Variants in GRXCR1 observed in about 807,000 individuals in gnomAD.
GRXCR1 encodes the protein glutaredoxin domain-containing cysteine-rich protein 1.
In GRXCR1, 27 loss-of-function variants were observed where a neutral mutation model predicts 27.3. That is an observed-to-expected ratio of 0.99 (90% CI 0.73 to 1.37). The LOEUF (loss-of-function observed/expected upper bound fraction) is 1.37, where lower values mean the gene tolerates loss of function less well. GRXCR1 is among the 40% of genes most tolerant of loss of function. GRXCR1 has a pLI of 0.00. For synonymous variants in GRXCR1, 122 were observed against 131.1 expected, an observed-to-expected ratio of 0.93 and a Z score of 0.47; for missense variants, 379 against 354.4, an observed-to-expected ratio of 1.07 and a Z score of -0.56.
intron 1 of GRXCR1, among the ~76,000 whole-genome samples, chr4:42,896,139 C>A (rs1746342222): frequency 6.6e-6 from 1 of 152,084 alleles, no homozygotes; most frequent in Non-Finnish European, 1.5e-5. Context: ...ATTTCAAAGA[C>A]CCTGTCAATC....
intron 2 of GRXCR1, among the ~76,000 whole-genome samples, chr4:42,998,395 C>T (rs1423416968): frequency 6.6e-6 from 1 of 152,096 alleles, no homozygotes; most frequent in African/African-American, 2.4e-5. Flanking sequence ...TACAAATGTT[C>T]CATGCACATG....
chr4:42,936,815 TG>T (rs1284656417), intron 1 of GRXCR1, among the ~76,000 whole-genome samples: 1 of 151,902 alleles, frequency 6.6e-6, no homozygotes, highest in Non-Finnish European at 1.5e-5. Flanking sequence ...TTATGTGTCT[TG>T]GAAAGGAAGA....
At chr4:42,945,446 C>A (rs1256696728) in intron 1 of GRXCR1, among the ~76,000 whole-genome samples, 1 of 152,066 alleles carries the variant, frequency 6.6e-6, no homozygotes, top group African/African-American at 2.4e-5. Context: ...TTCCTTTCTG[C>A]TTCTTCTTTC....
chr4:43,021,596 T>C (rs577005606), intron 3 of GRXCR1, among the ~76,000 whole-genome samples: 3 of 152,290 alleles, frequency 2.0e-5, no homozygotes, highest in Non-Finnish European at 4.4e-5. Context: ...CAATGTCCTC[T>C]CAATGTACTG....
intron 3 of GRXCR1, among the ~76,000 whole-genome samples, chr4:43,028,762 CTTTT>C (rs1203967384): frequency 6.6e-6 from 1 of 152,072 alleles, no homozygotes; most frequent in African/African-American, 2.4e-5. Flanking sequence ...GCAGTGCATC[CTTTT>C]TTTAAGTCAA....
At chr4:42,951,921 C>T (rs986368806) in intron 1 of GRXCR1, among the ~76,000 whole-genome samples, 15 of 152,092 alleles carry the variant, frequency 9.9e-5, no homozygotes, top group East Asian at 3.9e-4. Flanking sequence ...TTGCAGTTAA[C>T]GTCTAGGCTC....
chr4:42,949,984 C>T (rs2109768404), intron 1 of GRXCR1, among the ~76,000 whole-genome samples: 1 of 152,266 alleles, frequency 6.6e-6, no homozygotes, highest in Non-Finnish European at 1.5e-5. Flanking sequence ...GGTATTTCAA[C>T]CCGTAAAGTA....
intron 3 of GRXCR1, among the ~76,000 whole-genome samples, chr4:43,023,182 G>A (rs1713146887): frequency 6.6e-6 from 1 of 152,134 alleles, no homozygotes; most frequent in Non-Finnish European, 1.5e-5. Flanking sequence ...AAAGATGTTA[G>A]GTCCAGGGAA....
intron 1 of GRXCR1, among the ~76,000 whole-genome samples, chr4:42,939,157 G>C (rs1488203896): frequency 6.6e-6 from 1 of 151,860 alleles, no homozygotes; most frequent in East Asian, 1.9e-4. Context: ...TTTTATTTTT[G>C]TGTGTGTCCT....
chr4:42,976,500 G>A (rs970932296), intron 2 of GRXCR1, among the ~76,000 whole-genome samples: 1 of 151,874 alleles, frequency 6.6e-6, no homozygotes, highest in Non-Finnish European at 1.5e-5. Flanking sequence ...TATATCACAA[G>A]AGTATAGGTC....
chr4:42,931,724 G>A (rs369811862), intron 1 of GRXCR1, among the ~76,000 whole-genome samples: 1 of 152,046 alleles, frequency 6.6e-6, no homozygotes, highest in East Asian at 1.9e-4. Flanking sequence ...TCATTTTTGT[G>A]TGTATGGTGA....
intron 2 of GRXCR1, among the ~76,000 whole-genome samples, chr4:43,003,550 C>G (rs1434362551): frequency 6.6e-6 from 1 of 152,128 alleles, no homozygotes; most frequent in African/African-American, 2.4e-5. Flanking sequence ...CAATGAATTT[C>G]AGGTTGAGTG....
chr4:42,985,289 T>C (rs545545667), intron 2 of GRXCR1, among the ~76,000 whole-genome samples: 31 of 152,324 alleles, frequency 2.0e-4, no homozygotes, highest in African/African-American at 7.5e-4. Flanking sequence ...CTTAATTTGA[T>C]TGAAGAAAAA....
rs115610156 is a variant in GRXCR1 at position 43,003,772 on chromosome 4, A to G, written c.628-16582A>G. Among the ~76,000 whole-genome samples the G allele has an allele frequency of 5.1e-3, 780 of 152,356 alleles. 10 individuals carry two copies. The highest frequency in any genetic ancestry group is 0.018 in the African/African-American group (739 of 41,578). On this transcript the variant is annotated intron_variant, in intron 2 of 3. Transcript: ENST00000399770. ...TGGCTGCTCTTAACAGCATACAATC[A>G]CATGCATTCACAAATAGAGGGTCTG...
At chr4:42,958,491 C>T (rs1411813918) in intron 1 of GRXCR1, among the ~76,000 whole-genome samples, 1 of 151,916 alleles carries the variant, frequency 6.6e-6, no homozygotes, top group Non-Finnish European at 1.5e-5. Context: ...GATATCACCC[C>T]TGGCAAGAAT....
At chr4:42,894,339 A>G (rs1436510185) in intron 1 of GRXCR1, among the ~76,000 whole-genome samples, 3 of 152,012 alleles carry the variant, frequency 2.0e-5, no homozygotes, top group African/African-American at 7.3e-5. Flanking sequence ...TTATTCAGGT[A>G]TTGGGGCTTT....
At chr4:42,983,468 A>T (rs1180892605) in intron 2 of GRXCR1, among the ~76,000 whole-genome samples, 1 of 151,514 alleles carries the variant, frequency 6.6e-6, no homozygotes, top group East Asian at 1.9e-4. Flanking sequence ...GCCTTGTAGT[A>T]TAGTTTGAAG....
At chr4:42,931,354 G>C (rs546258692) in intron 1 of GRXCR1, among the ~76,000 whole-genome samples, 1 of 152,100 alleles carries the variant, frequency 6.6e-6, no homozygotes, top group South Asian at 2.1e-4. Flanking sequence ...CTGCAGCAGG[G>C]ATTGGGGTAT....
chr4:43,027,276 A>G (rs550359575), intron 3 of GRXCR1, among the ~76,000 whole-genome samples: 1 of 152,324 alleles, frequency 6.6e-6, no homozygotes, highest in Non-Finnish European at 1.5e-5. Flanking sequence ...AGATCTAATC[A>G]CAGAATTGCA....
Sources: allele counts gnomAD v4.1 joint callset (sites outside exome capture counted in the v4.1 genomes callset), GRCh38; gene constraint gnomAD v4.1.1; transcripts MANE v1.5; gene names NCBI Gene and HGNC (gene_info 2026-07-23, HGNC 2026-07-21).